The following MAPK7 variants were observed in gnomAD, a reference collection of about 807,000 sequenced individuals.
The protein encoded by MAPK7 is BMK-1.
MAPK7 carries 30 observed loss-of-function variants against 56.9 expected under a neutral mutation model. That is an observed-to-expected ratio of 0.53 (90% CI 0.39 to 0.72). The LOEUF (loss-of-function observed/expected upper bound fraction) is 0.72, where lower values mean the gene tolerates loss of function less well. MAPK7 is among the 30% of genes least tolerant of loss of function. MAPK7 has a pLI of 0.00. For missense variants in MAPK7, 952 were observed against 1,110.8 expected, an observed-to-expected ratio of 0.86 and a Z score of 2.03; for synonymous variants, 516 against 449.3, an observed-to-expected ratio of 1.15 and a Z score of -1.88.
rs773889944 is a variant in MAPK7, at chr17:19,382,379, G to A, written c.2076G>A (p.Pro692=). ...TGCCTTACTTCCCACCTGGCCTGCC[G>A]CCCCCAGACGCCGGGGGAGCCCCTC... ...GVLPYFPPGL[P]PPDAGGAPQS... Residue 692 remains proline (P), a synonymous_variant, in exon 5 of 7, where the codon CCG becomes CCA. Transcript: ENST00000395604. 116 of 1,613,326 alleles carry A rather than the reference G, an allele frequency of 7.2e-5. No homozygotes were observed. In the South Asian group the frequency reaches 1.1e-3, roughly 16 times the overall value.
intron 5 of MAPK7, 90 bp downstream of exon 5, chr17:19,382,556 G>A: frequency 4.0e-6 from 6 of 1,508,244 alleles, no homozygotes; most frequent in Non-Finnish European, 5.3e-6. Flanking sequence ...CAAAAACTGA[G>A]CAGCAGATGG....
At position 19,382,480 on chromosome 17, in the gene MAPK7, C is replaced by T; in HGVS notation, c.2163+14C>T. 11 of 1,567,418 alleles carry T rather than the reference C, an allele frequency of 7.0e-6. No homozygotes were observed. The highest frequency in any genetic ancestry group is 9.5e-6 in the Non-Finnish European group (11 of 1,156,332). On this transcript the variant is annotated intron_variant, in intron 5 of 6. Transcript: ENST00000395604. ...TCTAAGTCACAGGTGAGAGGGAGGC[C>T]CAGGCCATGGGGACACCTGGGTCTG...
Position 19,382,019 on chromosome 17 carries a change from G to C in MAPK7, c.1716G>C (p.Trp572Cys). ...SDNDRSLLER[W>C]TRMARPAAPA... ...ATGACAGAAGCCTGTTGGAACGCTG[G>C]ACTCGAATGGCCCGGCCCGCAGCCC... Residue 572 changes from tryptophan (W) to cysteine (C), a missense_variant, in exon 5 of 7, where the codon TGG (tryptophan) becomes TGC (cysteine). This residue lies in a region of MAPK7 where 429 missense variants were observed against 533.0 expected (regional missense o/e 0.80). Coordinates refer to ENST00000395604, the MANE Select transcript of MAPK7 (RefSeq NM_002749.4). The C allele has an allele frequency of 3.9e-6, 6 of 1,557,974 alleles. No homozygotes were observed. The highest frequency in any genetic ancestry group is 5.2e-6 in the Non-Finnish European group (6 of 1,150,952).
upstream of MAPK7, chr17:19,377,797 AACTCC>A: frequency 1.0e-6 from 1 of 979,830 alleles, no homozygotes; most frequent in Non-Finnish European, 1.2e-6. Context: ...CGCCTCGGTT[AACTCC>A]GCTGCAGCCC....
Position 19,378,984 on chromosome 17 carries a change from C to G in MAPK7, c.84C>G (p.Thr28=), listed in dbSNP as rs1282645541. 6.2e-7 allele frequency: 1 copy of G among 1,610,474 alleles called. No homozygotes were observed. The change falls in exon 2 of 7, where the codon ACC becomes ACG. Residue 28 remains threonine, a synonymous_variant. Coordinates refer to ENST00000395604, the MANE Select transcript of MAPK7 (RefSeq NM_002749.4). The surrounding 1 kb of genome is among the most constrained non-coding windows in gnomAD (Gnocchi z 5.4). ...CCGTGAAGGCCGAACCCGCCCACAC[C>G]GCTGCCTCTGTAGCGGCCAAGAACC... ...PGPVKAEPAH[T]AASVAAKNLA... is the part of the protein sequence containing the mutation.
chr17:19,382,323 G>A lies in MAPK7; in HGVS notation c.2020G>A (p.Gly674Arg), dbSNP rs199788725. 10 of 1,613,080 alleles carry A rather than the reference G, an allele frequency of 6.2e-6. No homozygotes were observed. In the African/African-American group the frequency reaches 1.2e-4, roughly 19 times the overall value. The change falls in exon 5 of 7, where the codon GGG becomes AGG. Residue 674 changes from glycine to arginine, a missense_variant. Gly to Arg is a moderately radical substitution (Grantham distance 125, BLOSUM62 -2). Transcript: ENST00000395604. ...LAAQSLVPPP[G>R]LPGSSTPGVL... is the part of the protein sequence containing the mutation. ...TGCCCAGTCACTTGTGCCACCCCCT[G>A]GGCTGCCTGGCTCCAGCACCCCAGG...
At position 19,381,292 on chromosome 17, in the gene MAPK7, G is replaced by A. The variant is rs766265576; in HGVS notation, c.1083G>A (p.Pro361=). The stretch of plus-strand genomic sequence containing the variant: ...CTGATGATGAGCCTGACTGTGCCCC[G>A]CCCTTTGACTTTGCCTTTGACCGCG... The part of the protein sequence containing the change: ...HDPDDEPDCA[P]PFDFAFDREA... Residue 361 remains proline (P), a synonymous_variant, in exon 4 of 7, where the codon CCG becomes CCA. Coordinates refer to ENST00000395604, the MANE Select transcript of MAPK7 (RefSeq NM_002749.4). This position sits in a 1 kb window ranked among gnomAD's most constrained non-coding sequence, Gnocchi z 4.6. 47 of 1,613,952 alleles carry A rather than the reference G, an allele frequency of 2.9e-5. No individual in the cohort carries two copies. Among genetic ancestry groups the A allele is most frequent in the Non-Finnish European group, 3.9e-5 (46 of 1,180,058 alleles).
chr17:19,381,989 T>A lies in MAPK7; in HGVS notation c.1686T>A (p.Ser562Arg). 6.4e-7 allele frequency: 1 copy of A among 1,552,284 alleles called. No homozygotes were observed. Among genetic ancestry groups the A allele is most frequent in the Non-Finnish European group, 8.7e-7 (1 of 1,147,520 alleles). Reference protein sequence around the residue: ...STDPLAGLVLSDNDRSLLERW... With the variant: ...STDPLAGLVLRDNDRSLLERW... Reference sequence around the variant, plus strand: ...ACCCCTTGGCTGGACTAGTGCTCAGTGACAATGACAGAAGCCTGTTGGAAC... The same window carrying A: ...ACCCCTTGGCTGGACTAGTGCTCAGAGACAATGACAGAAGCCTGTTGGAAC... The change falls in exon 5 of 7, where the codon AGT (serine) becomes AGA (arginine). Residue 562 changes from serine to arginine, a missense_variant. Transcript: ENST00000395604. This position sits in a 1 kb window ranked among gnomAD's most constrained non-coding sequence, Gnocchi z 4.6.
In MAPK7 at chr17:19,382,814, T is replaced by G; in HGVS notation, c.2165T>G (p.Val722Gly). ...LVTQQLSKSQ[V>G]EDPLPPVFSG... ...ATTGTAACCTGTCATTCCCTGCAGG[T>G]GGAGGACCCCCTGCCCCCTGTGTTC... Residue 722 changes from valine (V) to glycine (G), a missense_variant and splice_region_variant, in exon 6 of 7, where the codon GTG (valine) becomes GGG (glycine). Physicochemically the swap from Val to Gly is moderately radical, Grantham distance 109. Transcript: ENST00000395604. 3 of 1,613,876 alleles carry G rather than the reference T, an allele frequency of 1.9e-6. No homozygotes were observed. Among genetic ancestry groups the G allele is most frequent in the Non-Finnish European group, 2.5e-6 (3 of 1,179,872 alleles).
upstream of MAPK7, chr17:19,377,859 C>G (rs1912228832): frequency 1.0e-6 from 1 of 985,424 alleles, no homozygotes; most frequent in African/African-American, 1.7e-5. Flanking sequence ...GGGAAGATAC[C>G]TAGAAGCCAG....
intron 5 of MAPK7, 140 bp downstream of exon 5, chr17:19,382,606 G>A: frequency 6.8e-7 from 1 of 1,480,062 alleles, no homozygotes. Context: ...CACAGAAGGA[G>A]CATAATGGCA....
chr17:19,377,835 G>C (rs911670217), upstream of MAPK7: 1 of 985,280 alleles, frequency 1.0e-6, no homozygotes, highest in Non-Finnish European at 1.2e-6. Flanking sequence ...TCGCGGGACA[G>C]ACAAACGAGC....
chr17:19,381,336 G>A lies in MAPK7; in HGVS notation c.1127G>A (p.Arg376His), dbSNP rs772884779. 1.2e-5 allele frequency: 19 copies of A among 1,614,002 alleles called. No individual in the cohort carries two copies. The highest frequency in any genetic ancestry group is 1.6e-4 in the Middle Eastern group (1 of 6,084). The change falls in exon 4 of 7, where the codon CGC (arginine) becomes CAC (histidine). Residue 376 changes from arginine (R) to histidine (H), a missense_variant. By Grantham distance (29) the Arg-to-His change is conservative (BLOSUM62 0). Coordinates refer to ENST00000395604, the MANE Select transcript of MAPK7 (RefSeq NM_002749.4). This position sits in a 1 kb window ranked among gnomAD's most constrained non-coding sequence, Gnocchi z 4.6. ...AFDREALTRE[R>H]IKEAIVAEIE... ...GACCGCGAAGCCCTCACTCGGGAGC[G>A]CATTAAGGAGGCCATTGTGGCTGAA...
rs765379731 is a variant in MAPK7, at chr17:19,379,012, G to T, written c.112G>T (p.Ala38Ser). ...TAASVAAKNLALLKARSFDVT... is the reference protein window; with the variant it reads ...TAASVAAKNLSLLKARSFDVT... ...TGCCTCTGTAGCGGCCAAGAACCTG[G>T]CCCTGCTTAAAGCCCGCTCCTTCGA... The change falls in exon 2 of 7, where the codon GCC becomes TCC. Residue 38 changes from alanine (A) to serine (S), a missense_variant. Transcript: ENST00000395604. 1 of 1,613,710 alleles carries T rather than the reference G, an allele frequency of 6.2e-7. No homozygotes were observed. Among genetic ancestry groups the T allele is most frequent in the Non-Finnish European group, 8.5e-7 (1 of 1,179,882 alleles).
At position 19,382,222 on chromosome 17, in the gene MAPK7, C is replaced by A. The variant is rs1297300361; in HGVS notation, c.1919C>A (p.Pro640His). Residue 640 changes from proline (P) to histidine (H), a missense_variant, in exon 5 of 7, where the codon CCC becomes CAC. By Grantham distance (77) the Pro-to-His change is moderately conservative. Coordinates refer to ENST00000395604, the MANE Select transcript of MAPK7 (RefSeq NM_002749.4). ...GCCTGCCCACCCCCTGGCCCTGCAC[C>A]CCACCCCACTGGCCCTCCTGGGCCC... Reference protein sequence around the residue: ...QPACPPPGPAPHPTGPPGPIP... With the variant: ...QPACPPPGPAHHPTGPPGPIP... 1 of 1,611,722 alleles carries A rather than the reference C, an allele frequency of 6.2e-7. No homozygotes were observed. Among genetic ancestry groups the A allele is most frequent in the Admixed American group, 1.7e-5 (1 of 59,974 alleles).
chr17:19,379,097 A>G lies in MAPK7; in HGVS notation c.197A>G (p.Tyr66Cys). 4 of 1,613,600 alleles carry G rather than the reference A, an allele frequency of 2.5e-6. No homozygotes were observed. The highest frequency in any genetic ancestry group is 3.3e-5 in the Admixed American group (2 of 59,996). Residue 66 changes from tyrosine to cysteine, a missense_variant, in exon 2 of 7, where the codon TAT (tyrosine) becomes TGT (cysteine). Tyr to Cys is a radical substitution (Grantham distance 194). Around this residue, in one of 5 missense-constraint regions of MAPK7, gnomAD observed 213 missense variants for 243.2 expected, o/e 0.88. Transcript: ENST00000395604. ...EIIETIGNGAYGVVSSARRRL... is the reference protein window; with the variant it reads ...EIIETIGNGACGVVSSARRRL... Reference sequence around the variant, plus strand: ...ATCGAGACCATAGGCAACGGGGCCTATGGAGTGGTGTCCTCCGCCCGCCGC... The same window carrying G: ...ATCGAGACCATAGGCAACGGGGCCTGTGGAGTGGTGTCCTCCGCCCGCCGC...
In MAPK7 at chr17:19,380,979, C is replaced by A. The variant is rs925746978; in HGVS notation, c.770C>A (p.Ala257Asp). The A allele has an allele frequency of 3.1e-6, 5 of 1,614,076 alleles. No homozygotes were observed. The African/African-American group carries it at 6.7e-5, about 22-fold the overall frequency. The stretch of plus-strand genomic sequence containing the variant: ...GGCTGCATCTTTGGTGAGATGCTGG[C>A]CCGGCGCCAGCTCTTCCCAGGCAAA... ...SVGCIFGEML[A>D]RRQLFPGKNY... The change falls in exon 4 of 7, where the codon GCC (alanine) becomes GAC (aspartate). Residue 257 changes from alanine to aspartate, a missense_variant. Coordinates refer to ENST00000395604, the MANE Select transcript of MAPK7 (RefSeq NM_002749.4).
At position 19,378,682 on chromosome 17, in the gene MAPK7, G is replaced by C; in HGVS notation, c.-6+52G>C. Reference sequence around the variant, plus strand: ...GTGCCCCGCCCCTCCCTTTCTTCCTGGCCCGCGCCTCGCCTACCCCTCCCC... The same window carrying C: ...GTGCCCCGCCCCTCCCTTTCTTCCTCGCCCGCGCCTCGCCTACCCCTCCCC... On this transcript the variant is annotated intron_variant, in intron 1 of 6. Coordinates refer to ENST00000395604, the MANE Select transcript of MAPK7 (RefSeq NM_002749.4). The surrounding 1 kb of genome is among the most constrained non-coding windows in gnomAD (Gnocchi z 5.4). The C allele has an allele frequency of 7.1e-7, 1 of 1,411,790 alleles. No individual in the cohort carries two copies. Among genetic ancestry groups the C allele is most frequent in the Non-Finnish European group, 9.2e-7 (1 of 1,086,656 alleles). 87.5% of individuals were successfully genotyped at this position (1,411,790 alleles called of 1,614,324 possible). A position where few individuals can be genotyped will look rare whatever the true frequency, so the allele number is the denominator to read the frequency against.
upstream of MAPK7, chr17:19,378,008 A>G: frequency 1.0e-6 from 1 of 985,214 alleles, no homozygotes; most frequent in South Asian, 4.7e-5. The surrounding 1 kb of genome is among the most constrained non-coding windows in gnomAD (Gnocchi z 5.4). Flanking sequence ...GGCACCCTCT[A>G]CCGGGGATGA....
Sources: allele counts gnomAD v4.1 joint callset, GRCh38; gene constraint gnomAD v4.1.1; regional missense constraint gnomAD v4.1.1; non-coding constraint Gnocchi (gnomAD v3.1); transcripts MANE v1.5; gene names NCBI Gene and HGNC (gene_info 2026-07-23, HGNC 2026-07-21).